The following NAPA variants were observed in gnomAD, a reference collection of about 807,000 sequenced individuals.
NAPA encodes the protein alpha-soluble NSF attachment protein.
In NAPA, 18 loss-of-function variants were observed where a neutral mutation model predicts 48.0. The observed-to-expected ratio is 0.38, with a 90% CI of 0.26 to 0.56. NAPA has a LOEUF of 0.56. Among genes scored for constraint, NAPA ranks in the 20% least tolerant of loss-of-function variants. The pLI is 0.77. For missense variants in NAPA, 315 were observed against 385.0 expected (o/e 0.82, Z 1.52); for synonymous variants, 152 against 149.9 (o/e 1.01, Z -0.10).
chr19:47,496,999 A>AG, intron 3 of NAPA: 2 of 334,858 alleles, frequency 6.0e-6, no homozygotes, highest in South Asian at 4.4e-5. Flanking sequence ...GGTGGCAAAA[A>AG]GGGGGCAGAT....
chr19:47,496,985 A>C (rs1173573802), intron 3 of NAPA: 1 of 345,272 alleles, frequency 2.9e-6, no homozygotes, highest in Non-Finnish European at 6.0e-6. Context: ...CAGACAGTGG[A>C]AACGGTGGCA....
chr19:47,503,524 A>G, intron 1 of NAPA, 22 bp from the exon 2 acceptor site: 3 of 1,608,466 alleles, frequency 1.9e-6, no homozygotes, highest in Non-Finnish European at 2.6e-6. Context: ...GGAAAGAAAA[A>G]AAGGAGACAA....
intron 8 of NAPA, 46 bp downstream of exon 8, chr19:47,491,969 A>C: frequency 6.4e-7 from 1 of 1,556,536 alleles, no homozygotes; most frequent in Non-Finnish European, 8.8e-7. Context: ...GGAGATAAGC[A>C]CATGGTGGCC....
rs764326350 is a variant in NAPA, at chr19:47,488,251, G to A, written c.*37C>T. On this transcript the variant is annotated 3_prime_UTR_variant, in exon 11 of 11. Coordinates refer to ENST00000263354, the MANE Select transcript of NAPA (RefSeq NM_003827.4). ...CGGCCCCACCTCTCTCTGAGCAGATGGGACAGGAAGACGGGCACTGGGGGG... is the reference window on the plus strand; with the variant it reads ...CGGCCCCACCTCTCTCTGAGCAGATAGGACAGGAAGACGGGCACTGGGGGG... 5.1e-6 allele frequency: 8 copies of A among 1,563,332 alleles called. No homozygotes were observed. The Admixed American group carries it at 1.3e-4, about 26-fold the overall frequency.
In NAPA at chr19:47,492,094, G is replaced by C. The variant is rs754355382; in HGVS notation, c.587C>G (p.Pro196Arg). Residue 196 changes from proline (P) to arginine (R), a missense_variant, in exon 8 of 11, where the codon CCC (proline) becomes CGC (arginine). Pro to Arg is a moderately radical substitution (Grantham distance 103). Around this residue, in one of 3 missense-constraint regions of NAPA, gnomAD observed 137 missense variants for 150.1 expected, o/e 0.91. Transcript: ENST00000263354. The stretch of plus-strand genomic sequence containing the variant: ...GTCTTTGGCGCTGTACTTGAGGAGG[G>C]GGCTGTCCATGGCATTGGTCCCCAC... ...EQVGTNAMDS[P>R]LLKYSAKDYF... The C allele has an allele frequency of 6.2e-7, 1 of 1,614,108 alleles. No homozygotes were observed. The highest frequency in any genetic ancestry group is 8.5e-7 in the Non-Finnish European group (1 of 1,179,986).
rs1655832320 is a variant in NAPA at position 47,492,007 on chromosome 19, T to C, written c.666+8A>G. The C allele has an allele frequency of 6.2e-7, 1 of 1,612,088 alleles. No homozygotes were observed. The highest frequency in any genetic ancestry group is 1.7e-5 in the Admixed American group (1 of 59,958). On this transcript the variant is annotated splice_region_variant and intron_variant, in intron 8 of 10. Transcript: ENST00000263354. ...GTGCGGTGGTCCTGCGGGCGTGGGG[T>C]GTGCTACCTTGGCGTTGAGCATGTC...
chr19:47,493,476 C>T lies in NAPA; in HGVS notation c.360G>A (p.Ala120=), dbSNP rs762014489. Residue 120 remains alanine (A), a synonymous_variant, in exon 5 of 11, where the codon GCG becomes GCA. Coordinates refer to ENST00000263354, the MANE Select transcript of NAPA (RefSeq NM_003827.4). The surrounding 1 kb of genome is among the most constrained non-coding windows in gnomAD (Gnocchi z 6.4). ...IYTDMGRFTI[A]AKHHISIAEI... ...CAGCAATGGAGATGTGGTGCTTGGC[C>T]GCAATCGTGAATCGGCCCTGGAGGG... The T allele has an allele frequency of 1.1e-5, 17 of 1,613,958 alleles. No individual in the cohort carries two copies. The highest frequency in any genetic ancestry group is 5.0e-5 in the Admixed American group (3 of 60,004).
chr19:47,510,104 G>A (rs547338076), intron 1 of NAPA, among the ~76,000 whole-genome samples: 87 of 152,334 alleles, frequency 5.7e-4, no homozygotes, highest in African/African-American at 2.0e-3. Context: ...TTCAGTTGTG[G>A]ATCTTGGCAG....
In NAPA at chr19:47,493,354, G is replaced by T; in HGVS notation, c.420+62C>A. The T allele has an allele frequency of 6.3e-7, 1 of 1,582,224 alleles. No homozygotes were observed. Among genetic ancestry groups the T allele is most frequent in the Non-Finnish European group, 8.7e-7 (1 of 1,152,808 alleles). On this transcript the variant is annotated intron_variant, in intron 5 of 10. Coordinates refer to ENST00000263354, the MANE Select transcript of NAPA (RefSeq NM_003827.4). This position sits in a 1 kb window ranked among gnomAD's most constrained non-coding sequence, Gnocchi z 6.4. The stretch of plus-strand genomic sequence containing the variant: ...AGACACCAGAGGACTCCCCTGGTGG[G>T]AAGAAGAGAGAGCAGCACTGGTCCT...
chr19:47,490,654 A>G, intron 9 of NAPA, 134 bp downstream of exon 9: 1 of 731,930 alleles, frequency 1.4e-6, no homozygotes, highest in African/African-American at 1.8e-5. Flanking sequence ...GCCAAACAAA[A>G]CAAAACAAAA....
At chr19:47,502,362 A>C (rs985816440) in intron 2 of NAPA, among the ~76,000 whole-genome samples, 1 of 152,140 alleles carries the variant, frequency 6.6e-6, no homozygotes, top group Admixed American at 6.5e-5. Flanking sequence ...GGGGAAAAGC[A>C]ACACCTATGT....
intron 1 of NAPA, chr19:47,505,404 G>A (rs964953749): frequency 6.6e-6 from 1 of 152,186 alleles, no homozygotes; most frequent in African/African-American, 2.4e-5. Context: ...GCTGGGATGT[G>A]AGCATTCCTT....
At chr19:47,498,107 T>C (rs1968477364) in intron 3 of NAPA, among the ~76,000 whole-genome samples, 1 of 152,188 alleles carries the variant, frequency 6.6e-6, no homozygotes. Context: ...GGGAGCCCAG[T>C]CGGGCCTCAG....
chr19:47,502,237 CAAAAAAAAAAAAAAAA>C (rs55762206), intron 2 of NAPA, among the ~76,000 whole-genome samples: 1 of 62,454 alleles, frequency 1.6e-5, no homozygotes, highest in Non-Finnish European at 2.7e-5. Context: ...AAGACTGTCT[CAAAAAAAAAAAAAAAA>C]AAAAAAAAAA....
intron 7 of NAPA, chr19:47,492,686 G>T (rs1968305463): frequency 3.4e-6 from 2 of 591,994 alleles, no homozygotes; most frequent in South Asian, 1.6e-5. Flanking sequence ...TCTTTAGCCA[G>T]CCTCACTCTG....
rs1426703056 is a variant in NAPA, at chr19:47,490,558, G to A, written c.735+230C>T. Among the ~76,000 whole-genome samples, 3 of 149,926 alleles carry A rather than the reference G, an allele frequency of 2.0e-5. No homozygotes were observed. In the East Asian group the frequency reaches 5.8e-4, roughly 29 times the overall value. ...TGTGGTGTGGTGTGGTGTGTGTAGT[G>A]TGTGTGTGTGTGTCCACCTAGCCAT... On this transcript the variant is annotated intron_variant, in intron 9 of 10. Transcript: ENST00000263354.
intron 1 of NAPA, 105 bp downstream of exon 1, chr19:47,514,738 C>T: frequency 1.9e-6 from 2 of 1,080,246 alleles, no homozygotes; most frequent in Non-Finnish European, 1.4e-6. Flanking sequence ...GGTTCCTCTC[C>T]GTCCCCTCGG....
chr19:47,493,556 C>G lies in NAPA; in HGVS notation c.343-63G>C. On this transcript the variant is annotated intron_variant, in intron 4 of 10. Transcript: ENST00000263354. This position sits in a 1 kb window ranked among gnomAD's most constrained non-coding sequence, Gnocchi z 6.4. ...GACCTCCTGCGTGCCTGCCTGCTGA[C>G]CTATGACCCTTCAAGTTCCCACCCC... 1 of 1,458,598 alleles carries G rather than the reference C, an allele frequency of 6.9e-7. No individual in the cohort carries two copies. Among genetic ancestry groups the G allele is most frequent in the East Asian group, 2.3e-5 (1 of 44,014 alleles). 90.4% of individuals were successfully genotyped at this position (1,458,598 alleles called of 1,614,324 possible). A position where few individuals can be genotyped will look rare whatever the true frequency, so the allele number is the denominator to read the frequency against.
rs1261696937 is a variant in NAPA, at chr19:47,491,921, G to A, written c.666+94C>T. ...GCTGGCAGGGGCCAGACGTGAGGGA[G>A]GAGCACGTCCCTCTTCGGGGGCAAC... On this transcript the variant is annotated intron_variant, in intron 8 of 10. Coordinates refer to ENST00000263354, the MANE Select transcript of NAPA (RefSeq NM_003827.4). The A allele has an allele frequency of 1.0e-5, 11 of 1,097,814 alleles. No individual in the cohort carries two copies. The East Asian group carries it at 2.4e-4, about 24-fold the overall frequency. 68.0% of individuals were successfully genotyped at this position (1,097,814 alleles called of 1,614,324 possible). A position where few individuals can be genotyped will look rare whatever the true frequency, so the allele number is the denominator to read the frequency against.
Sources: allele counts gnomAD v4.1 joint callset (sites outside exome capture counted in the v4.1 genomes callset), GRCh38; gene constraint gnomAD v4.1.1; regional missense constraint gnomAD v4.1.1; non-coding constraint Gnocchi (gnomAD v3.1); transcripts MANE v1.5; gene names NCBI Gene and HGNC (gene_info 2026-07-23, HGNC 2026-07-21).